CLVS1: variants seen among roughly 807,000 people sequenced by gnomAD.
CLVS1 encodes clavesin 1.
A neutral mutation model predicts 33.1 loss-of-function variants in CLVS1; 10 were observed. The observed-to-expected ratio is 0.30, with a 90% CI of 0.19 to 0.51. CLVS1 has a LOEUF of 0.51. Among genes scored for constraint, CLVS1 ranks in the 20% least tolerant of loss-of-function variants. The pLI is 0.97. For synonymous variants in CLVS1, 163 were observed against 166.1 expected (o/e 0.98, Z 0.14); for missense variants, 343 against 433.4 (o/e 0.79, Z 1.85).
chr8:61,043,422 G>C, the CLVS1 span, among the ~76,000 whole-genome samples: 5 of 152,178 alleles, frequency 3.3e-5, no homozygotes, highest in African/African-American at 1.2e-4. Context: ...TCATCAGTCT[G>C]GTTCTGACAA....
At chr8:60,992,632 T>C in the CLVS1 span, among the ~76,000 whole-genome samples, 1 of 152,316 alleles carries the variant, frequency 6.6e-6, no homozygotes, top group East Asian at 1.9e-4. Flanking sequence ...AGAGTGTCCC[T>C]GTTTGGGAGG....
chr8:61,379,167 C>T (rs1813766816), intron 3 of CLVS1, among the ~76,000 whole-genome samples: 1 of 152,136 alleles, frequency 6.6e-6, no homozygotes. Flanking sequence ...TCCTGTGTTC[C>T]AGTGCAGAGA....
Position 61,299,878 on chromosome 8 carries a change from C to G in CLVS1, c.51C>G (p.Asn17Lys), listed in dbSNP as rs750795149. The G allele has an allele frequency of 3.0e-5, 49 of 1,613,452 alleles. No homozygotes were observed. The highest frequency in any genetic ancestry group is 4.2e-5 in the Non-Finnish European group (49 of 1,179,766). The change falls in exon 2 of 6, where the codon AAC becomes AAG. Residue 17 changes from asparagine to lysine, a missense_variant. Transcript: ENST00000325897. ...LPKYQKLNTW[N>K]GDLAKMTHLQ... ...AATATCAGAAGTTAAACACTTGGAA[C>G]GGAGATTTGGCCAAGATGACCCATT...
intron 5 of CLVS1, among the ~76,000 whole-genome samples, chr8:61,484,257 A>C (rs867814158): frequency 6.6e-6 from 1 of 152,222 alleles, no homozygotes; most frequent in Non-Finnish European, 1.5e-5. Context: ...TCAGGATACA[A>C]AATCAACATG....
intron 2 of CLVS1, among the ~76,000 whole-genome samples, chr8:61,360,275 CA>C (rs908247729): frequency 2.2e-4 from 33 of 151,482 alleles, no homozygotes; most frequent in African/African-American, 7.5e-4. Context: ...TTAAAAAACC[CA>C]AAAAAAACTA....
At chr8:61,059,499 T>TATATATATATACAC (rs1265187479) in intron 1 of CLVS1, among the ~76,000 whole-genome samples, 29 of 96,332 alleles carry the variant, frequency 3.0e-4, no homozygotes, top group African/African-American at 6.4e-4. Context: ...TATATATATA[T>TATATATATATACAC]ACACATATCT....
At chr8:61,260,643 C>T (rs1809184082) in intron 2 of CLVS1, among the ~76,000 whole-genome samples, 1 of 152,112 alleles carries the variant, frequency 6.6e-6, no homozygotes, top group South Asian at 2.1e-4. Flanking sequence ...GACTTCAGGT[C>T]TTGCTTATAA....
chr8:61,113,799 A>G (rs1805670640), intron 1 of CLVS1, among the ~76,000 whole-genome samples: 1 of 152,098 alleles, frequency 6.6e-6, no homozygotes, highest in Non-Finnish European at 1.5e-5. Flanking sequence ...TGCCCAGCTA[A>G]TTAATATTTT....
At chr8:61,097,105 A>T (rs998520611) in intron 1 of CLVS1, among the ~76,000 whole-genome samples, 44 of 151,970 alleles carry the variant, frequency 2.9e-4, no homozygotes, top group African/African-American at 9.9e-4. Context: ...TCATGCATGT[A>T]ATCCCAGCAC....
intron 2 of CLVS1, among the ~76,000 whole-genome samples, chr8:61,136,740 G>A (rs1008600898): frequency 6.6e-6 from 1 of 152,176 alleles, no homozygotes; most frequent in Non-Finnish European, 1.5e-5. Context: ...ATGGACACTA[G>A]ACTTAATACC....
intron 2 of CLVS1, among the ~76,000 whole-genome samples, chr8:61,376,128 A>C (rs562798035): frequency 2.1e-3 from 322 of 152,354 alleles, no homozygotes; most frequent in Non-Finnish European, 3.9e-3. Context: ...GATTTTTTAA[A>C]CATAAAGGAA....
intron 2 of CLVS1, among the ~76,000 whole-genome samples, chr8:61,331,054 C>T (rs1261078489): frequency 6.6e-6 from 1 of 152,050 alleles, no homozygotes; most frequent in African/African-American, 2.4e-5. Context: ...TGCACTCCAG[C>T]CAGGATCCAG....
intron 1 of CLVS1, among the ~76,000 whole-genome samples, chr8:61,104,826 T>C (rs56237914): frequency 0.2 from 30,003 of 152,076 alleles, 3,139 homozygotes; most frequent in Admixed American, 0.31. Context: ...ACATTTGTTT[T>C]ACTTTATTTT....
At chr8:61,124,114 G>T (rs750083131) in intron 1 of CLVS1, among the ~76,000 whole-genome samples, 1 of 152,140 alleles carries the variant, frequency 6.6e-6, no homozygotes, top group Non-Finnish European at 1.5e-5. Context: ...TGAAACTTTA[G>T]TAAGTTACCC....
At chr8:61,353,350 T>G (rs60462846) in intron 2 of CLVS1, among the ~76,000 whole-genome samples, 4,576 of 152,090 alleles carry the variant, frequency 0.03, 225 homozygotes, top group African/African-American at 0.1. Flanking sequence ...AAGTGTTTTG[T>G]CTGACCATAA....
chr8:61,153,946 A>G (rs543060130), intron 2 of CLVS1, among the ~76,000 whole-genome samples: 1 of 152,316 alleles, frequency 6.6e-6, no homozygotes, highest in East Asian at 1.9e-4. Flanking sequence ...TGTCCTTTCC[A>G]AGTCCTTCAG....
At chr8:61,486,739 T>C (rs962576835) in intron 5 of CLVS1, among the ~76,000 whole-genome samples, 1 of 152,180 alleles carries the variant, frequency 6.6e-6, no homozygotes, top group African/African-American at 2.4e-5. Context: ...TTGGTGGAGG[T>C]ACATCCTCAC....
intron 1 of CLVS1, among the ~76,000 whole-genome samples, chr8:61,096,597 G>A (rs148859664): frequency 2.0e-3 from 299 of 152,284 alleles, no homozygotes; most frequent in Non-Finnish European, 3.1e-3. Flanking sequence ...GAGACTCAAT[G>A]TCTGAACTAG....
intron 2 of CLVS1, among the ~76,000 whole-genome samples, chr8:61,345,305 T>C (rs988895093): frequency 2.0e-5 from 3 of 152,230 alleles, no homozygotes; most frequent in Non-Finnish European, 4.4e-5. Context: ...ATAACTCTTA[T>C]GAAAACTCCT....
Sources: allele counts gnomAD v4.1 joint callset (sites outside exome capture counted in the v4.1 genomes callset), GRCh38; gene constraint gnomAD v4.1.1; transcripts MANE v1.5; gene names NCBI Gene and HGNC (gene_info 2026-07-23, HGNC 2026-07-21).